The following PCSK5 variants were observed in gnomAD, a reference collection of about 807,000 sequenced individuals.
PCSK5 encodes the protein proprotein convertase subtilisin/kexin type 5.
In PCSK5, 129 loss-of-function variants were observed where a neutral mutation model predicts 233.2. The observed-to-expected ratio is 0.55, with a 90% CI of 0.48 to 0.64. PCSK5 has a LOEUF of 0.64. Among genes scored for constraint, PCSK5 ranks in the 30% least tolerant of loss-of-function variants. PCSK5 has a pLI of 0.00. For missense variants in PCSK5, 2,076 were observed against 2,430.1 expected (o/e 0.85, Z 3.06); for synonymous variants, 825 against 879.2 (o/e 0.94, Z 1.09).
At chr9:76,040,814 A>G (rs913667649) in intron 5 of PCSK5, among the ~76,000 whole-genome samples, 1 of 152,248 alleles carries the variant, frequency 6.6e-6, no homozygotes. Flanking sequence ...ATTTTATGGC[A>G]TATCATTTCA....
intron 1 of PCSK5, among the ~76,000 whole-genome samples, chr9:75,896,270 T>A (rs531964616): frequency 6.6e-6 from 1 of 152,158 alleles, no homozygotes; most frequent in Non-Finnish European, 1.5e-5. Flanking sequence ...TAAGGAATGG[T>A]TTGTATGTGG....
Position 76,338,380 on chromosome 9 carries a change from C to G in PCSK5, c.4899C>G (p.Asp1633Glu). Residue 1633 changes from aspartate to glutamate, a missense_variant, in exon 35 of 38, where the codon GAC (aspartate) becomes GAG (glutamate). By Grantham distance (45) the Asp-to-Glu change is conservative. This residue lies in a region of PCSK5 where 1,510 missense variants were observed against 1,538.1 expected (regional missense o/e 0.98). Transcript: ENST00000674117. ...GAGAGTGTCATCGCTCCTGCCCAGA[C>G]CATTACTATGTAGAGCAAAGCACAC... ...SKGECHRSCP[D>E]HYYVEQSTQT... 6.2e-7 allele frequency: 1 copy of G among 1,612,730 alleles called. No homozygotes were observed.
intron 25 of PCSK5, 101 bp downstream of exon 25, chr9:76,292,376 C>G (rs920581670): frequency 1.3e-6 from 1 of 772,408 alleles, no homozygotes; most frequent in Non-Finnish European, 2.3e-6. Context: ...GCCCTGCAGC[C>G]CGAAGCAACT....
intron 2 of PCSK5, among the ~76,000 whole-genome samples, chr9:75,956,464 T>C (rs1452358001): frequency 6.6e-6 from 1 of 152,218 alleles, no homozygotes; most frequent in East Asian, 1.9e-4. Context: ...CCTTGGTCAC[T>C]TCCCAGATAA....
rs1828772228 is a variant in PCSK5 at position 76,308,526 on chromosome 9, A to G, written c.3605-119A>G. The G allele has an allele frequency of 2.9e-5, 20 of 690,734 alleles. No homozygotes were observed. In the Admixed American group the frequency reaches 4.8e-4, roughly 17 times the overall value. 42.8% of individuals were successfully genotyped at this position (690,734 alleles called of 1,614,324 possible). On this transcript the variant is annotated intron_variant, in intron 28 of 37. Transcript: ENST00000674117. ...CCAACAATCAGCTCATGTACAATCA[A>G]AAGGATTCCATCTGGGGCAGGAAAA...
intron 9 of PCSK5, among the ~76,000 whole-genome samples, chr9:76,108,121 T>C (rs939315033): frequency 1.3e-5 from 2 of 152,228 alleles, no homozygotes; most frequent in Non-Finnish European, 2.9e-5. Context: ...TATTGTGAAA[T>C]ATTCATGTAT....
At chr9:76,166,387 G>C (rs1187906626) in intron 12 of PCSK5, among the ~76,000 whole-genome samples, 1 of 144,584 alleles carries the variant, frequency 6.9e-6, no homozygotes, top group Non-Finnish European at 1.5e-5. Flanking sequence ...TTGGCAGTCA[G>C]TTTATATTTA....
intron 5 of PCSK5, among the ~76,000 whole-genome samples, chr9:76,064,390 C>T (rs1393588780): frequency 2.4e-5 from 3 of 124,220 alleles, no homozygotes; most frequent in African/African-American, 6.7e-5. Flanking sequence ...CCGGACGGCA[C>T]GGCTGGCCAG....
chr9:76,018,074 C>G (rs967226427), intron 3 of PCSK5, among the ~76,000 whole-genome samples: 18 of 149,626 alleles, frequency 1.2e-4, no homozygotes, highest in African/African-American at 4.4e-4. Context: ...ACGGAGCCTT[C>G]GGTAGTTCCC....
intron 24 of PCSK5, among the ~76,000 whole-genome samples, chr9:76,280,015 C>T (rs1827818264): frequency 6.6e-6 from 1 of 152,156 alleles, no homozygotes; most frequent in South Asian, 2.1e-4. Context: ...GCATTTTTTA[C>T]AAATTACAGG....
At chr9:75,975,444 A>C (rs1238057378) in intron 2 of PCSK5, among the ~76,000 whole-genome samples, 3 of 152,116 alleles carry the variant, frequency 2.0e-5, no homozygotes, top group Non-Finnish European at 4.4e-5. Flanking sequence ...AGATCACCCT[A>C]TGTCCTCTGC....
intron 5 of PCSK5, among the ~76,000 whole-genome samples, chr9:76,028,786 A>C (rs1364891198): frequency 6.6e-6 from 1 of 152,154 alleles, no homozygotes; most frequent in Admixed American, 6.6e-5. Context: ...TCTTTTCAGG[A>C]GAGGGCTATT....
intron 10 of PCSK5, among the ~76,000 whole-genome samples, chr9:76,135,469 C>T (rs1488420569): frequency 6.6e-6 from 1 of 152,096 alleles, no homozygotes; most frequent in Non-Finnish European, 1.5e-5. Flanking sequence ...CCTTTCCATG[C>T]ATGTAAACTA....
chr9:76,167,169 AC>A, intron 12 of PCSK5, among the ~76,000 whole-genome samples: 1 of 152,296 alleles, frequency 6.6e-6, no homozygotes, highest in East Asian at 1.9e-4. Flanking sequence ...GCCAGATCCA[AC>A]CTGGTTCCTC....
intron 16 of PCSK5, among the ~76,000 whole-genome samples, chr9:76,183,308 ATCTC>A (rs1220604554): frequency 6.6e-6 from 1 of 152,126 alleles, no homozygotes; most frequent in Non-Finnish European, 1.5e-5. Context: ...TGGTTTGTAT[ATCTC>A]TCTCTTTCTA....
In PCSK5 at chr9:76,236,179, T is replaced by C. The variant is rs943918368; in HGVS notation, c.2866+2583T>C. ...AACAGCTACAGTAAGCAAAATGTGG[T>C]AGTCAACTTCATCAAGTTTATTTTC... On this transcript the variant is annotated intron_variant, in intron 22 of 37. Coordinates refer to ENST00000674117, the MANE Select transcript of PCSK5 (RefSeq NM_001372043.1). 7.9e-5 allele frequency among the ~76,000 whole-genome samples: 12 copies of C among 152,208 alleles called. No homozygotes were observed. In the East Asian group the frequency reaches 2.3e-3, roughly 29 times the overall value.
At chr9:76,258,076 G>A (rs968598016) in intron 24 of PCSK5, among the ~76,000 whole-genome samples, 7 of 152,128 alleles carry the variant, frequency 4.6e-5, no homozygotes, top group Middle Eastern at 3.2e-3. Flanking sequence ...GGGCCCTGGG[G>A]ACACTGGGAG....
At chr9:76,060,533 T>G (rs1240170536) in intron 5 of PCSK5, among the ~76,000 whole-genome samples, 2 of 152,134 alleles carry the variant, frequency 1.3e-5, no homozygotes, top group African/African-American at 2.4e-5. Flanking sequence ...CATATATAAG[T>G]GGACCCAAGA....
At chr9:75,897,489 C>CTTTTTTTTTTTT (rs58504698) in intron 1 of PCSK5, among the ~76,000 whole-genome samples, 3 of 119,600 alleles carry the variant, frequency 2.5e-5, no homozygotes, top group Non-Finnish European at 3.3e-5. Context: ...TCTTTCTTTT[C>CTTTTTTTTTTTT]TTTTTTTTTT....
Sources: allele counts gnomAD v4.1 joint callset (sites outside exome capture counted in the v4.1 genomes callset), GRCh38; gene constraint gnomAD v4.1.1; regional missense constraint gnomAD v4.1.1; transcripts MANE v1.5; gene names NCBI Gene and HGNC (gene_info 2026-07-23, HGNC 2026-07-21).